BEND7: variants seen among roughly 807,000 people sequenced by gnomAD.
BEND7 encodes BEN domain containing 7.
A neutral mutation model predicts 50.9 loss-of-function variants in BEND7; 28 were observed. The ratio of observed to expected loss-of-function variants is 0.55; its 90% confidence interval spans 0.41 to 0.75. The LOEUF (loss-of-function observed/expected upper bound fraction) is 0.75, where lower values mean the gene tolerates loss of function less well. Among genes scored for constraint, BEND7 ranks in the 30% least tolerant of loss-of-function variants. The probability of loss-of-function intolerance (pLI) is 0.00; values close to 1 mark genes in which losing one functional copy is unlikely to be tolerated. For missense variants in BEND7, 477 were observed against 491.3 expected, an observed-to-expected ratio of 0.97 and a Z score of 0.28; for synonymous variants, 170 against 183.9, an observed-to-expected ratio of 0.92 and a Z score of 0.61.
At position 13,492,653 on chromosome 10, in the gene BEND7, G is replaced by A. The variant is rs767995658; in HGVS notation, c.795C>T (p.Arg265=). ...CCAGAACAATGCCGAATCCTAGAACGCGGCTCTCCTCCGGGGAGGTGTGCT... is the reference window on the plus strand; with the variant it reads ...CCAGAACAATGCCGAATCCTAGAACACGGCTCTCCTCCGGGGAGGTGTGCT... ...AAEHTSPEES[R]VLGFGIVLES... The change falls in exon 5 of 9, where the codon CGC becomes CGT. Residue 265 remains arginine, a synonymous_variant. Coordinates refer to ENST00000466271, the MANE Select transcript of BEND7 (RefSeq NM_001369863.1). The A allele has an allele frequency of 5.6e-6, 9 of 1,613,864 alleles. No homozygotes were observed. Among genetic ancestry groups the A allele is most frequent in the South Asian group, 4.4e-5 (4 of 91,042 alleles).
intron 7 of BEND7, among the ~76,000 whole-genome samples, chr10:13,451,750 TCCCTCC>T (rs1463970393): frequency 5.6e-5 from 3 of 53,654 alleles, no homozygotes; most frequent in Admixed American, 2.3e-4. Context: ...CCTAATGCTA[TCCCTCC>T]CCCTCCCCCC....
chr10:13,494,183 C>A (rs1278495791), intron 4 of BEND7, among the ~76,000 whole-genome samples: 1 of 152,118 alleles, frequency 6.6e-6, no homozygotes, highest in East Asian at 1.9e-4. Context: ...CTTTGGGAGG[C>A]CGAGGTGGGC....
intron 6 of BEND7, chr10:13,480,499 A>C (rs1186498852): frequency 2.0e-6 from 1 of 501,212 alleles, no homozygotes; most frequent in Non-Finnish European, 2.6e-6. Context: ...CTTCAGAGAG[A>C]ACCATTTTAC....
At chr10:13,490,360 G>A (rs1474835210) in intron 5 of BEND7, among the ~76,000 whole-genome samples, 1 of 152,234 alleles carries the variant, frequency 6.6e-6, no homozygotes, top group Non-Finnish European at 1.5e-5. Context: ...ATCCAGAGCT[G>A]AAAAGCCTGC....
intron 2 of BEND7, among the ~76,000 whole-genome samples, chr10:13,522,626 G>A (rs139532236): frequency 2.6e-5 from 4 of 152,306 alleles, no homozygotes; most frequent in Non-Finnish European, 5.9e-5. Flanking sequence ...CTCCAGGGAG[G>A]AGAAATACAG....
chr10:13,439,309 T>G, downstream of BEND7: 1 of 1,614,162 alleles, frequency 6.2e-7, no homozygotes, highest in Middle Eastern at 1.6e-4. Flanking sequence ...AAGTCTTGGC[T>G]GGTTTGGGAC....
At chr10:13,440,601 CAG>C (rs1835195663), downstream of BEND7, among the ~76,000 whole-genome samples, 1 of 152,208 alleles carries the variant, frequency 6.6e-6, no homozygotes, top group Non-Finnish European at 1.5e-5. Context: ...GAGCAGGGGA[CAG>C]AGCACGCCCG....
intron 6 of BEND7, among the ~76,000 whole-genome samples, chr10:13,466,045 A>C (rs958457422): frequency 2.0e-5 from 3 of 152,180 alleles, no homozygotes; most frequent in African/African-American, 7.2e-5. Flanking sequence ...AATTTCTATC[A>C]ATTTAAGGAA....
At chr10:13,496,958 G>A (rs2077067061) in intron 3 of BEND7, 70 bp from the exon 4 acceptor site, 5 of 1,448,314 alleles carry the variant, frequency 3.5e-6, no homozygotes, top group African/African-American at 1.5e-5. Flanking sequence ...ATAAAGAGGT[G>A]GAGAGAAAAA....
chr10:13,508,401 G>A (rs993875141), intron 2 of BEND7, among the ~76,000 whole-genome samples: 3 of 152,162 alleles, frequency 2.0e-5, no homozygotes, highest in Middle Eastern at 3.2e-3. Context: ...AGGAGACTGC[G>A]CCAGAACCCG....
intron 2 of BEND7, among the ~76,000 whole-genome samples, chr10:13,503,491 T>C (rs747580028): frequency 4.6e-5 from 7 of 152,118 alleles, no homozygotes; most frequent in African/African-American, 9.7e-5. Context: ...CGTGGGTGGA[T>C]CACCCGAGAT....
At position 13,492,851 on chromosome 10, in the gene BEND7, A is replaced by C. The variant is rs2251555; in HGVS notation, c.597T>G (p.Pro199=). 2 of 1,601,060 alleles carry C rather than the reference A, an allele frequency of 1.2e-6. No individual in the cohort carries two copies. Among genetic ancestry groups the C allele is most frequent in the South Asian group, 2.3e-5 (2 of 87,932 alleles). Residue 199 remains proline (P), a synonymous_variant, in exon 5 of 9, where the codon CCT becomes CCG. Coordinates refer to ENST00000466271, the MANE Select transcript of BEND7 (RefSeq NM_001369863.1). The part of the protein sequence containing the change: ...QAVGTQNRQQ[P]PISLICSQRT... ...GCTGGGAGCATATAAGGGAAATTGG[A>C]GGTTGTTGTCTGTTTTGAGTTCCAA...
At chr10:13,517,944 G>A (rs771351025) in intron 2 of BEND7, among the ~76,000 whole-genome samples, 3 of 152,166 alleles carry the variant, frequency 2.0e-5, no homozygotes, top group African/African-American at 4.8e-5. Context: ...AAGGATAACA[G>A]ACTTCCCGCG....
chr10:13,492,718 A>C lies in BEND7; in HGVS notation c.730T>G (p.Ser244Ala), dbSNP rs761261458. Residue 244 changes from serine to alanine, a missense_variant, in exon 5 of 9, where the codon TCG (serine) becomes GCG (alanine). Transcript: ENST00000466271. ...GCAGATAGCTCAGAGGCCACCACCGACTTTTTCTCCATCTCTGACCCACTG... is the reference window on the plus strand; with the variant it reads ...GCAGATAGCTCAGAGGCCACCACCGCCTTTTTCTCCATCTCTGACCCACTG... The part of the protein sequence containing the change: ...KPSGSEMEKK[S>A]VVASELSALQ... 110 of 1,614,030 alleles carry C rather than the reference A, an allele frequency of 6.8e-5. No individual in the cohort carries two copies. Among genetic ancestry groups the C allele is most frequent in the Admixed American group, 2.7e-4 (16 of 59,988 alleles).
chr10:13,469,430 G>A (rs1360773042), intron 6 of BEND7, among the ~76,000 whole-genome samples: 1 of 152,140 alleles, frequency 6.6e-6, no homozygotes, highest in Non-Finnish European at 1.5e-5. Flanking sequence ...TGTCTGACAG[G>A]CAGCCAAAAT....
intron 8 of BEND7, chr10:13,444,497 G>A (rs1020373010): frequency 6.6e-6 from 1 of 152,122 alleles, no homozygotes; most frequent in Non-Finnish European, 1.5e-5. Context: ...AGTAATAAAA[G>A]CATTGTTGAA....
intron 3 of BEND7, 123 bp from the exon 4 acceptor site, chr10:13,497,011 T>C (rs2077070923): frequency 1.6e-6 from 2 of 1,238,596 alleles, no homozygotes; most frequent in Non-Finnish European, 2.2e-6. Flanking sequence ...GCAATTATGA[T>C]GAAGCTGTGC....
intron 5 of BEND7, among the ~76,000 whole-genome samples, chr10:13,491,067 G>A (rs2076621495): frequency 1.3e-5 from 2 of 152,162 alleles, no homozygotes; most frequent in South Asian, 4.1e-4. Context: ...GCCTCCCAAA[G>A]TGTTGGGATT....
At chr10:13,446,732 T>TGGAA (rs1283404821) in intron 8 of BEND7, 1 of 162,566 alleles carries the variant, frequency 6.2e-6, no homozygotes, top group African/African-American at 2.4e-5. Context: ...AATGCTTCCA[T>TGGAA]GGAAGGGTAT....
Sources: allele counts gnomAD v4.1 joint callset (sites outside exome capture counted in the v4.1 genomes callset), GRCh38; gene constraint gnomAD v4.1.1; transcripts MANE v1.5; gene names NCBI Gene and HGNC (gene_info 2026-07-23, HGNC 2026-07-21).